The following FA2H variants were observed in gnomAD, a reference collection of about 807,000 sequenced individuals.
The protein encoded by FA2H is fatty acid 2-hydroxylase.
A neutral mutation model predicts 44.9 loss-of-function variants in FA2H; 22 were observed. That is an observed-to-expected ratio of 0.49 (90% confidence interval 0.35 to 0.70). FA2H has a LOEUF of 0.70. Ranked by LOEUF, FA2H falls within the 30% of genes least tolerant of loss-of-function variation. The pLI is 0.01. For synonymous variants in FA2H, 243 were observed against 213.2 expected (o/e 1.14, Z -1.22); for missense variants, 501 against 504.9 (o/e 0.99, Z 0.07).
At chr16:74,774,224 T>G in intron 1 of FA2H, among the ~76,000 whole-genome samples, 1 of 148,880 alleles carries the variant, frequency 6.7e-6, no homozygotes, top group South Asian at 2.2e-4. Context: ...GAAGGAGGGG[T>G]GCTGGGGAAA....
chr16:74,717,019 G>A (rs937696063), intron 5 of FA2H: 2 of 193,796 alleles, frequency 1.0e-5, no homozygotes, highest in East Asian at 1.2e-4. Context: ...GAGGCCTGAT[G>A]TTGTCTGGGA....
chr16:74,716,249 A>C (rs1158197922), intron 6 of FA2H, 98 bp downstream of exon 6: 2 of 1,409,450 alleles, frequency 1.4e-6, no homozygotes, highest in South Asian at 2.6e-5. Flanking sequence ...TGCCCCGTAC[A>C]TGGAACAGTG....
At chr16:74,727,513 C>T (rs1281256796) in intron 2 of FA2H, 127 bp from the exon 3 acceptor site, 1 of 992,404 alleles carries the variant, frequency 1.0e-6, no homozygotes, top group Non-Finnish European at 1.6e-6. Flanking sequence ...GTGGGGCCAC[C>T]CACCCTCCTG....
chr16:74,738,185 AGGAGGAAGG>A (rs1962218495), intron 2 of FA2H, among the ~76,000 whole-genome samples: 1 of 152,140 alleles, frequency 6.6e-6, no homozygotes, highest in Admixed American at 6.5e-5. Flanking sequence ...CCAGAGACAC[AGGAGGAAGG>A]GGAGGAAGAG....
intron 1 of FA2H, among the ~76,000 whole-genome samples, chr16:74,768,103 G>GA (rs1003986265): frequency 1.3e-5 from 2 of 151,982 alleles, no homozygotes; most frequent in African/African-American, 2.4e-5. Context: ...TGTGTCATAA[G>GA]AAAAAAAATA....
intron 2 of FA2H, among the ~76,000 whole-genome samples, chr16:74,737,120 T>A (rs1181891388): frequency 6.6e-6 from 1 of 152,066 alleles, no homozygotes; most frequent in African/African-American, 2.4e-5. Context: ...ACACCTGTTC[T>A]TGCCCCCTCC....
chr16:74,753,234 A>C (rs1234921497), intron 1 of FA2H, among the ~76,000 whole-genome samples: 1 of 152,212 alleles, frequency 6.6e-6, no homozygotes, highest in African/African-American at 2.4e-5. Context: ...TTAGATACAG[A>C]GCCAGAACTA....
chr16:74,767,917 C>T (rs1962838416), intron 1 of FA2H, among the ~76,000 whole-genome samples: 1 of 152,168 alleles, frequency 6.6e-6, no homozygotes, highest in East Asian at 1.9e-4. Context: ...AATGGTGTCA[C>T]CAGTTGCTGC....
chr16:74,767,738 A>C (rs1447026748), intron 1 of FA2H, among the ~76,000 whole-genome samples: 1 of 152,222 alleles, frequency 6.6e-6, no homozygotes, highest in Non-Finnish European at 1.5e-5. Flanking sequence ...CTGCAGATTC[A>C]TTTTTTACTT....
At chr16:74,770,607 G>C (rs536650805) in intron 1 of FA2H, among the ~76,000 whole-genome samples, 2 of 152,324 alleles carry the variant, frequency 1.3e-5, no homozygotes, top group African/African-American at 2.4e-5. Flanking sequence ...CTGGGCTCAA[G>C]TGATCCACCC....
Position 74,774,685 on chromosome 16 carries a change from G to C in FA2H, c.71C>G (p.Ala24Gly), listed in dbSNP as rs762615677. The C allele has an allele frequency of 5.0e-6, 7 of 1,390,044 alleles. No individual in the cohort carries two copies. The highest frequency in any genetic ancestry group is 1.7e-5 in the South Asian group (1 of 59,672). The allele number at this position is 1,390,044 out of a possible 1,614,324, so 86.1% of individuals were successfully genotyped here. A position where few individuals can be genotyped will look rare whatever the true frequency, so the allele number is the denominator to read the frequency against. Residue 24 changes from alanine (A) to glycine (G), a missense_variant, in exon 1 of 7, where the codon GCG becomes GGG. Coordinates refer to ENST00000219368, the MANE Select transcript of FA2H (RefSeq NM_024306.5). ...SEVQRRLAAG[A>G]CWVRRGARLY... Reference sequence around the variant, plus strand: ...GCGGGCCCCGCGGCGGACCCAGCACGCGCCGGCCGCCAGGCGCCGCTGGAC... The same window carrying C: ...GCGGGCCCCGCGGCGGACCCAGCACCCGCCGGCCGCCAGGCGCCGCTGGAC...
At chr16:74,748,714 CACAA>C (rs768675835) in intron 1 of FA2H, among the ~76,000 whole-genome samples, 100 of 152,118 alleles carry the variant, frequency 6.6e-4, no homozygotes, top group South Asian at 2.7e-3. Context: ...CGCTCTGCAC[CACAA>C]ACAAACAAGT....
chr16:74,752,850 G>A (rs1407617567), intron 1 of FA2H, among the ~76,000 whole-genome samples: 4 of 152,170 alleles, frequency 2.6e-5, no homozygotes, highest in African/African-American at 9.7e-5. Flanking sequence ...CTGTCCAGGT[G>A]AAGATGGAGT....
chr16:74,746,815 T>C (rs1008391043), intron 1 of FA2H, among the ~76,000 whole-genome samples: 16 of 152,136 alleles, frequency 1.1e-4, no homozygotes, highest in African/African-American at 2.2e-4. Flanking sequence ...TATAGCTTCA[T>C]GGGGCAGGCA....
At chr16:74,747,701 TC>T (rs750540921) in intron 1 of FA2H, among the ~76,000 whole-genome samples, 79 of 152,144 alleles carry the variant, frequency 5.2e-4, no homozygotes, top group Non-Finnish European at 6.8e-4. Flanking sequence ...CCCCAGCAGC[TC>T]AGGGGAGGGC....
At chr16:74,735,117 A>T (rs942819679) in intron 2 of FA2H, among the ~76,000 whole-genome samples, 5 of 152,176 alleles carry the variant, frequency 3.3e-5, no homozygotes, top group African/African-American at 1.2e-4. Flanking sequence ...ACAGGGTCAG[A>T]TGTTCGGCTG....
chr16:74,746,745 G>C (rs533132659), intron 1 of FA2H, among the ~76,000 whole-genome samples: 1 of 152,260 alleles, frequency 6.6e-6, no homozygotes, highest in East Asian at 1.9e-4. Flanking sequence ...GACGAGAGCA[G>C]GGGTTTTCTT....
chr16:74,726,340 A>G lies in FA2H; in HGVS notation c.507-9T>C, dbSNP rs1567637047. On this transcript the variant is annotated splice_polypyrimidine_tract_variant and intron_variant, in intron 3 of 6. Coordinates refer to ENST00000219368, the MANE Select transcript of FA2H (RefSeq NM_024306.5). ...TGATGGGGACACTGTACCTGCAGGA[A>G]GGCCATCAGGGTGAGAGAGATACAT... 1 of 1,575,054 alleles carries G rather than the reference A, an allele frequency of 6.3e-7. No homozygotes were observed. Among genetic ancestry groups the G allele is most frequent in the Non-Finnish European group, 8.7e-7 (1 of 1,144,732 alleles).
chr16:74,751,988 T>A (rs1227626230), intron 1 of FA2H, among the ~76,000 whole-genome samples: 1 of 152,210 alleles, frequency 6.6e-6, no homozygotes, highest in African/African-American at 2.4e-5. Context: ...CCAGTATTAA[T>A]CATTTCCATA....
Sources: gnomAD v4.1 joint callset for allele counts (sites outside exome capture counted in the v4.1 genomes callset) on GRCh38, gnomAD v4.1.1 for gene constraint, MANE v1.5 for transcripts, NCBI Gene and HGNC (gene_info 2026-07-23, HGNC 2026-07-21) for gene names.